Variants in RALGPS2 observed in about 807,000 individuals in gnomAD.
The protein encoded by RALGPS2 is Ral GEF with PH domain and SH3 binding motif 2, also known as ras-specific guanine nucleotide-releasing factor RalGPS2.
In RALGPS2, 43 loss-of-function variants were observed where a neutral mutation model predicts 86.8. The ratio of observed to expected loss-of-function variants is 0.50; its 90% confidence interval spans 0.39 to 0.64. RALGPS2 has a LOEUF of 0.64. Ranked by LOEUF, RALGPS2 falls within the 30% of genes least tolerant of loss-of-function variation. The pLI, the probability that RALGPS2 is intolerant of heterozygous loss-of-function variation, is 0.00. For synonymous variants in RALGPS2, 243 were observed against 231.3 expected (o/e 1.05, Z -0.46); for missense variants, 536 against 694.6 (o/e 0.77, Z 2.57).
At chr1:178,766,919 T>C (rs1186214441) in intron 1 of RALGPS2, among the ~76,000 whole-genome samples, 2 of 152,216 alleles carry the variant, frequency 1.3e-5, no homozygotes, top group African/African-American at 4.8e-5. Context: ...CACATATTTA[T>C]TGTTTTTTTG....
At chr1:178,847,622 C>T (rs1301598453) in intron 8 of RALGPS2, among the ~76,000 whole-genome samples, 5 of 152,032 alleles carry the variant, frequency 3.3e-5, no homozygotes. Flanking sequence ...TAACTTACTA[C>T]AAAGATTAAT....
At chr1:178,725,471 G>C (rs1343535534) in intron 1 of RALGPS2, 52 bp downstream of exon 1, 1 of 145,352 alleles carries the variant, frequency 6.9e-6, no homozygotes, top group Non-Finnish European at 1.5e-5. Context: ...GAGGGAGGGT[G>C]GGTACGCGGC....
chr1:178,894,944 A>G (rs1659875213), intron 16 of RALGPS2, among the ~76,000 whole-genome samples: 1 of 152,074 alleles, frequency 6.6e-6, no homozygotes, highest in South Asian at 2.1e-4. Flanking sequence ...AAAGAGTAAC[A>G]ACCCTAAAAA....
intron 4 of RALGPS2, among the ~76,000 whole-genome samples, chr1:178,805,824 CTTAAG>C (rs1558127694): frequency 1.3e-5 from 2 of 152,018 alleles, no homozygotes; most frequent in African/African-American, 2.4e-5. Context: ...TCGAACTGTA[CTTAAG>C]TTTTGTTTTC....
At chr1:178,813,955 CAT>C (rs1274670591) in intron 6 of RALGPS2, among the ~76,000 whole-genome samples, 3 of 152,146 alleles carry the variant, frequency 2.0e-5, no homozygotes, top group Non-Finnish European at 2.9e-5. Context: ...CTTACCATCA[CAT>C]AGATACAAAA....
chr1:178,735,598 ATTCT>A (rs1202270111), intron 1 of RALGPS2, among the ~76,000 whole-genome samples: 1 of 57,456 alleles, frequency 1.7e-5, no homozygotes, highest in Non-Finnish European at 3.5e-5. Context: ...TAATTTTTGT[ATTCT>A]TTTTTTTTTT....
At chr1:178,855,245 T>A (rs1002696444) in intron 8 of RALGPS2, among the ~76,000 whole-genome samples, 3 of 151,818 alleles carry the variant, frequency 2.0e-5, no homozygotes, top group Admixed American at 1.3e-4. Context: ...ATAGAAGGGA[T>A]TCTTAGAGAC....
chr1:178,781,103 TAAATA>T (rs1653372441), intron 2 of RALGPS2, among the ~76,000 whole-genome samples: 2 of 152,076 alleles, frequency 1.3e-5, no homozygotes, highest in Non-Finnish European at 2.9e-5. Context: ...AAATATTTGT[TAAATA>T]AAATAGATCA....
At chr1:178,779,866 T>C (rs906546374) in intron 2 of RALGPS2, among the ~76,000 whole-genome samples, 2 of 152,198 alleles carry the variant, frequency 1.3e-5, no homozygotes, top group Admixed American at 1.3e-4. Context: ...CCCCAGTAGC[T>C]GGGATTACAG....
At chr1:178,859,110 T>C (rs1657784291) in intron 8 of RALGPS2, among the ~76,000 whole-genome samples, 1 of 151,006 alleles carries the variant, frequency 6.6e-6, no homozygotes, top group Non-Finnish European at 1.5e-5. Flanking sequence ...TTTATTAATC[T>C]GTATGTTTAA....
intron 1 of RALGPS2, among the ~76,000 whole-genome samples, chr1:178,730,016 A>G (rs1319445061): frequency 6.6e-6 from 1 of 152,176 alleles, no homozygotes; most frequent in Non-Finnish European, 1.5e-5. Flanking sequence ...ATCTTGGCTC[A>G]TTGCAGCCTC....
chr1:178,916,246 C>A (rs1366307586), intron 19 of RALGPS2, 84 bp from the exon 20 acceptor site: 3 of 1,116,102 alleles, frequency 2.7e-6, no homozygotes, highest in Non-Finnish European at 2.6e-6. Context: ...AAAGATTGGG[C>A]TTGCCTAAAT....
chr1:178,834,439 A>C (rs1277147886), intron 8 of RALGPS2, among the ~76,000 whole-genome samples: 2 of 152,230 alleles, frequency 1.3e-5, no homozygotes, highest in African/African-American at 4.8e-5. Context: ...GAAGACAAAG[A>C]AGGGACAAAG....
intron 10 of RALGPS2, chr1:178,879,263 C>T (rs1317636704): frequency 7.4e-6 from 2 of 269,016 alleles, no homozygotes; most frequent in African/African-American, 4.4e-5. Flanking sequence ...CTTCCTTTCC[C>T]CCATATTCAA....
intron 18 of RALGPS2, 88 bp from the exon 19 acceptor site, chr1:178,906,688 T>G (rs564819174): frequency 2.0e-6 from 2 of 981,568 alleles, no homozygotes; most frequent in Admixed American, 2.5e-5. Context: ...ACTCTAGTCA[T>G]GTTTAATTTG....
chr1:178,747,635 CATT>C, intron 1 of RALGPS2: 16 of 1,558,474 alleles, frequency 1.0e-5, no homozygotes, highest in Non-Finnish European at 1.4e-5. Flanking sequence ...ACTAAGCTGG[CATT>C]AATATAATCA....
At chr1:178,902,299 A>C in intron 18 of RALGPS2, 88 bp downstream of exon 18, 1 of 1,057,476 alleles carries the variant, frequency 9.5e-7, no homozygotes, top group East Asian at 2.4e-5. Context: ...TACTTGTCAT[A>C]TATATAATGT....
At position 178,892,274 on chromosome 1, in the gene RALGPS2, G is replaced by T; in HGVS notation, c.1292G>T (p.Arg431Leu). 1 of 1,612,676 alleles carries T rather than the reference G, an allele frequency of 6.2e-7. No homozygotes were observed. The highest frequency in any genetic ancestry group is 2.2e-5 in the East Asian group (1 of 44,816). ...CTCGGCCCGGTGACAAGAGTGGCAC[G>T]AAATGGCTATCGAAGTCACATGAAG... Reference protein sequence around the residue: ...HSLGPVTRVARNGYRSHMKAS... With the variant: ...HSLGPVTRVALNGYRSHMKAS... The change falls in exon 15 of 20, where the codon CGA becomes CTA. Residue 431 changes from arginine to leucine, a missense_variant. By Grantham distance (102) the Arg-to-Leu change is moderately radical. Transcript: ENST00000367635.
chr1:178,869,181 A>T (rs563058751), intron 8 of RALGPS2: 2 of 152,144 alleles, frequency 1.3e-5, no homozygotes, highest in African/African-American at 4.8e-5. Flanking sequence ...CGTTGGGTTA[A>T]TTTTATTAGT....
Sources: gnomAD v4.1 joint callset for allele counts (sites outside exome capture counted in the v4.1 genomes callset) on GRCh38, gnomAD v4.1.1 for gene constraint, MANE v1.5 for transcripts, NCBI Gene and HGNC (gene_info 2026-07-23, HGNC 2026-07-21) for gene names.